Variants in PCNT observed in about 807,000 individuals in gnomAD.
PCNT encodes kendrin.
In PCNT, 319 loss-of-function variants were observed where a neutral mutation model predicts 380.4. The observed-to-expected ratio is 0.84, with a 90% CI of 0.77 to 0.92. PCNT has a LOEUF of 0.92. Ranked by LOEUF, PCNT falls within the 40% of genes least tolerant of loss-of-function variation. The probability of loss-of-function intolerance (pLI) is 0.00; values close to 1 mark genes in which losing one functional copy is unlikely to be tolerated. For missense variants in PCNT, 4,400 were observed against 4,255.3 expected (o/e 1.03, Z -0.95); for synonymous variants, 1,845 against 1,735.2 (o/e 1.06, Z -1.57).
intron 43 of PCNT, among the ~76,000 whole-genome samples, chr21:46,441,668 G>A (rs535426450): frequency 6.6e-6 from 1 of 152,238 alleles, no homozygotes; most frequent in Non-Finnish European, 1.5e-5. Flanking sequence ...GGCCTCCACC[G>A]TCCATCCTTC....
intron 35 of PCNT, 145 bp from the exon 36 acceptor site, chr21:46,429,865 C>G: frequency 1.5e-6 from 1 of 667,568 alleles, no homozygotes; most frequent in Non-Finnish European, 2.6e-6. Context: ...GTTCCACCCG[C>G]AGTGAAAGCT....
chr21:46,391,493 A>G (rs2086031660), intron 21 of PCNT, 117 bp downstream of exon 21: 2 of 820,902 alleles, frequency 2.4e-6, no homozygotes, highest in African/African-American at 3.4e-5. Flanking sequence ...GTAAACCAGC[A>G]CGCAGCTTCT....
chr21:46,425,717 C>A lies in PCNT; in HGVS notation c.7180-114C>A. 6.7e-7 allele frequency: 1 copy of A among 1,500,610 alleles called. No individual in the cohort carries two copies. Among genetic ancestry groups the A allele is most frequent in the Non-Finnish European group, 9.2e-7 (1 of 1,088,560 alleles). The allele number at this position is 1,500,610 out of a possible 1,614,324, so 93.0% of individuals were successfully genotyped here. A position where few individuals can be genotyped will look rare whatever the true frequency, so the allele number is the denominator to read the frequency against. On this transcript the variant is annotated intron_variant, in intron 32 of 46. Transcript: ENST00000359568. The surrounding 1 kb of genome is among the most constrained non-coding windows in gnomAD (Gnocchi z 4.2). ...AAGCCGAGGCGGTGCCCTCCCTCTC[C>A]ACAGCTGCCCGCCCTTCACAGAGTC...
intron 21 of PCNT, among the ~76,000 whole-genome samples, chr21:46,392,588 G>C (rs952273446): frequency 1.3e-5 from 2 of 152,226 alleles, no homozygotes; most frequent in African/African-American, 2.4e-5. Context: ...GCCTTTCACA[G>C]GATGTGGGGT....
At chr21:46,418,834 G>C (rs900575512) in intron 31 of PCNT, among the ~76,000 whole-genome samples, 1 of 152,254 alleles carries the variant, frequency 6.6e-6, no homozygotes, top group Non-Finnish European at 1.5e-5. Flanking sequence ...GTGTCCTCGC[G>C]ATGGTGCGTG....
At chr21:46,418,158 A>T in intron 30 of PCNT, 46 bp from the exon 31 acceptor site, 2 of 1,179,008 alleles carry the variant, frequency 1.7e-6, no homozygotes, top group Non-Finnish European at 2.5e-6. Context: ...CAGCGCTATG[A>T]TGTAATTACT....
In PCNT at chr21:46,426,068, T is replaced by TC. The variant is rs760888750; in HGVS notation, c.7320+98dup. The TC allele has an allele frequency of 9.2e-5, 89 of 962,586 alleles. 1 individual carries two copies. Among genetic ancestry groups the TC allele is most frequent in the Non-Finnish European group, 1.2e-4 (83 of 678,270 alleles). 59.6% of individuals were successfully genotyped at this position (962,586 alleles called of 1,614,324 possible). On this transcript the variant is annotated intron_variant, in intron 33 of 46. Coordinates refer to ENST00000359568, the MANE Select transcript of PCNT (RefSeq NM_006031.6). The stretch of plus-strand genomic sequence containing the variant: ...GGCCACGTGGACACTAGGATTTCTT[T>TC]CTTTTTTTTTTTTTTTTTTTTTTTT...
intron 2 of PCNT, among the ~76,000 whole-genome samples, chr21:46,332,094 A>G (rs1230461132): frequency 6.6e-6 from 1 of 152,338 alleles, no homozygotes; most frequent in East Asian, 1.9e-4. Context: ...CGGGAGGCAG[A>G]GGTTGCACTG....
chr21:46,381,637 G>A (rs2085545031), intron 15 of PCNT, 57 bp from the exon 16 acceptor site: 14 of 1,532,250 alleles, frequency 9.1e-6, no homozygotes, highest in Non-Finnish European at 1.2e-5. Context: ...CCGGCTAACA[G>A]CAAAGAAAGT....
intron 14 of PCNT, among the ~76,000 whole-genome samples, chr21:46,366,273 G>T (rs111423480): frequency 2.0e-5 from 3 of 152,164 alleles, no homozygotes; most frequent in African/African-American, 4.8e-5. Flanking sequence ...CCTGCCGTGC[G>T]TGGCTCTGGC....
intron 15 of PCNT, among the ~76,000 whole-genome samples, chr21:46,371,667 C>A (rs956587637): frequency 7.2e-5 from 11 of 152,362 alleles, no homozygotes; most frequent in Admixed American, 2.0e-4. Flanking sequence ...GGTCTTGATT[C>A]TCTGCACCTA....
At chr21:46,358,199 C>T (rs1205745164) in intron 13 of PCNT, among the ~76,000 whole-genome samples, 1 of 152,242 alleles carries the variant, frequency 6.6e-6, no homozygotes, top group Non-Finnish European at 1.5e-5. Context: ...GGGTCCATCC[C>T]GTGCCAGAGC....
At chr21:46,346,273 GC>G in intron 4 of PCNT, 65 bp downstream of exon 4, 2 of 852,812 alleles carry the variant, frequency 2.3e-6, no homozygotes, top group Non-Finnish European at 3.9e-6. Flanking sequence ...GGCACAGTGG[GC>G]ATCCGGGTGG....
rs528174603 is a variant in PCNT, at chr21:46,354,055, C to G, written c.1748C>G (p.Pro583Arg). ...AAAGATCACGTTGATGAACTCGAGCCTGAGCGACATAAGGTAATTGGCCGC... is the reference window on the plus strand; with the variant it reads ...AAAGATCACGTTGATGAACTCGAGCGTGAGCGACATAAGGTAATTGGCCGC... ...GRKDHVDELE[P>R]ERHKESLPRF... Residue 583 changes from proline (P) to arginine (R), a missense_variant, in exon 11 of 47, where the codon CCT (proline) becomes CGT (arginine). Pro to Arg is a moderately radical substitution (Grantham distance 103, BLOSUM62 -2). Transcript: ENST00000359568. The G allele has an allele frequency of 5.6e-6, 9 of 1,614,082 alleles. No individual in the cohort carries two copies. The African/African-American group carries it at 9.3e-5, about 17-fold the overall frequency.
Position 46,431,814 on chromosome 21 carries a change from A to C in PCNT, c.8350A>C (p.Thr2784Pro). The change falls in exon 38 of 47, where the codon ACA (threonine) becomes CCA (proline). Residue 2784 changes from threonine (T) to proline (P), a missense_variant. Physicochemically the swap from Thr to Pro is conservative, Grantham distance 38. Transcript: ENST00000359568. ...ACAGGAGGCTTGCGTGCACCAGGAC[A>C]CACAGGCCCATCACGCTCTGCTGCA... The part of the protein sequence containing the change: ...RTQEACVHQD[T>P]QAHHALLQKL... 1 of 1,613,766 alleles carries C rather than the reference A, an allele frequency of 6.2e-7. No individual in the cohort carries two copies. The highest frequency in any genetic ancestry group is 8.5e-7 in the Non-Finnish European group (1 of 1,180,026).
chr21:46,402,419 A>G lies in PCNT; in HGVS notation c.5051A>G (p.Asp1684Gly). The G allele has an allele frequency of 6.2e-7, 1 of 1,613,912 alleles. No individual in the cohort carries two copies. Among genetic ancestry groups the G allele is most frequent in the Non-Finnish European group, 8.5e-7 (1 of 1,179,778 alleles). The change falls in exon 27 of 47, where the codon GAC becomes GGC. Residue 1684 changes from aspartate (D) to glycine (G), a missense_variant. By Grantham distance (94) the Asp-to-Gly change is moderately conservative. Transcript: ENST00000359568. ...EEILHLNLKL[D>G]MQNSQTAVSL... ...ATACTACATCTGAACTTAAAATTGG[A>G]CATGCAGAACAGCCAGACTGCTGTC...
chr21:46,349,709 T>C lies in PCNT; in HGVS notation c.1233T>C (p.His411=). 1 of 1,614,032 alleles carries C rather than the reference T, an allele frequency of 6.2e-7. No individual in the cohort carries two copies. Among genetic ancestry groups the C allele is most frequent in the Non-Finnish European group, 8.5e-7 (1 of 1,179,926 alleles). The change falls in exon 8 of 47, where the codon CAT becomes CAC. Residue 411 remains histidine (H), a synonymous_variant. Transcript: ENST00000359568. ...GGGCCCTTAGGAACCTGGAGAGTCA[T>C]CATCAAGCAGCCATTGAGAAGTTAC... ...AERALRNLES[H]HQAAIEKLRE...
chr21:46,326,674 T>A, intron 2 of PCNT, 85 bp downstream of exon 2: 1 of 1,417,202 alleles, frequency 7.1e-7, no homozygotes, highest in Non-Finnish European at 9.9e-7. Context: ...GTCTTTGGTC[T>A]GTTTTTGCCT....
At chr21:46,343,989 C>T (rs1310431740) in intron 3 of PCNT, among the ~76,000 whole-genome samples, 1 of 151,556 alleles carries the variant, frequency 6.6e-6, no homozygotes, top group Non-Finnish European at 1.5e-5. Context: ...TCCAATTGAG[C>T]TTATTTGGAT....
Sources: allele counts gnomAD v4.1 joint callset (sites outside exome capture counted in the v4.1 genomes callset), GRCh38; gene constraint gnomAD v4.1.1; non-coding constraint Gnocchi (gnomAD v3.1); transcripts MANE v1.5; gene names NCBI Gene and HGNC (gene_info 2026-07-23, HGNC 2026-07-21).